TACC2: variants seen among roughly 807,000 people sequenced by gnomAD.
TACC2 encodes the protein transforming acidic coiled-coil-containing protein 2.
In TACC2, 137 loss-of-function variants were observed where a neutral mutation model predicts 227.3. That is an observed-to-expected ratio of 0.60 (90% CI 0.52 to 0.69). The LOEUF (loss-of-function observed/expected upper bound fraction) is 0.69, where lower values mean the gene tolerates loss of function less well. TACC2 is among the 30% of genes least tolerant of loss of function. The pLI, the probability that TACC2 is intolerant of heterozygous loss-of-function variation, is 0.00. For synonymous variants in TACC2, 1,523 were observed against 1,487.5 expected (o/e 1.02, Z -0.55); for missense variants, 3,470 against 3,694.4 (o/e 0.94, Z 1.57).
chr10:122,190,331 C>G (rs117914897), intron 7 of TACC2, among the ~76,000 whole-genome samples: 1 of 152,210 alleles, frequency 6.6e-6, no homozygotes, highest in Admixed American at 6.5e-5. Context: ...TTCTTTCACA[C>G]GGTGTGTCAG....
intron 9 of TACC2, among the ~76,000 whole-genome samples, 159 bp downstream of exon 9, chr10:122,211,867 C>T (rs1028867395): frequency 2.6e-5 from 4 of 152,198 alleles, no homozygotes; most frequent in South Asian, 2.1e-4. Flanking sequence ...AGACAATGTA[C>T]GTGTTTTCCT....
intron 7 of TACC2, among the ~76,000 whole-genome samples, chr10:122,193,588 C>T (rs1342505218): frequency 6.6e-6 from 1 of 152,232 alleles, no homozygotes; most frequent in Non-Finnish European, 1.5e-5. Flanking sequence ...TTCATGTCTT[C>T]ACCAGATTTG....
intron 5 of TACC2, among the ~76,000 whole-genome samples, chr10:122,089,296 C>T (rs1591860992): frequency 6.6e-6 from 1 of 152,140 alleles, no homozygotes; most frequent in Non-Finnish European, 1.5e-5. Flanking sequence ...CCCCCACACC[C>T]GCCGCATCAT....
chr10:122,140,398 A>C (rs1284803022), intron 6 of TACC2, among the ~76,000 whole-genome samples: 1 of 152,238 alleles, frequency 6.6e-6, no homozygotes, highest in Non-Finnish European at 1.5e-5. Flanking sequence ...TCTTCCAAAA[A>C]TATAAACACT....
chr10:122,062,315 G>A (rs1374624425), intron 3 of TACC2, among the ~76,000 whole-genome samples: 1 of 151,538 alleles, frequency 6.6e-6, no homozygotes, highest in Non-Finnish European at 1.5e-5. Flanking sequence ...TTACAGGCGT[G>A]AGCCACCACG....
At chr10:122,201,585 C>T (rs1215264531) in intron 8 of TACC2, among the ~76,000 whole-genome samples, 6 of 152,240 alleles carry the variant, frequency 3.9e-5, no homozygotes, top group Admixed American at 2.0e-4. Context: ...AGGGCCCCAA[C>T]CCTCTGGACG....
intron 3 of TACC2, among the ~76,000 whole-genome samples, chr10:122,073,126 A>AATATATATATATATATAT (rs1167084872): frequency 2.8e-5 from 2 of 71,020 alleles, no homozygotes; most frequent in Middle Eastern, 9.6e-3. Context: ...AAAAAAAAAA[A>AATATATATATATATATAT]ATATATATAT....
chr10:122,129,661 G>A (rs1402719010), intron 5 of TACC2, among the ~76,000 whole-genome samples: 1 of 152,202 alleles, frequency 6.6e-6, no homozygotes, highest in Non-Finnish European at 1.5e-5. Flanking sequence ...TAGTTTGCCT[G>A]TAGTTTAGGA....
chr10:122,108,442 CTTTTTTTTT>C (rs34097153), intron 5 of TACC2, among the ~76,000 whole-genome samples: 2 of 90,022 alleles, frequency 2.2e-5, no homozygotes, highest in African/African-American at 4.3e-5. Context: ...GTCATATTTT[CTTTTTTTTT>C]TTTTTTTTTT....
chr10:122,166,771 TG>T (rs1423872694), intron 7 of TACC2, among the ~76,000 whole-genome samples: 1 of 152,250 alleles, frequency 6.6e-6, no homozygotes, highest in Non-Finnish European at 1.5e-5. Flanking sequence ...CTTCTCTGAC[TG>T]CTCCTTTCCT....
chr10:121,996,255 T>C (rs1953477504), intron 1 of TACC2, among the ~76,000 whole-genome samples: 1 of 152,068 alleles, frequency 6.6e-6, no homozygotes, highest in East Asian at 1.9e-4. Flanking sequence ...CGGGTCTTGC[T>C]GTGTTGCTCA....
chr10:122,241,611 A>C, intron 18 of TACC2: 1 of 326,034 alleles, frequency 3.1e-6, no homozygotes, highest in Non-Finnish European at 5.7e-6. Flanking sequence ...TCATTTTTGT[A>C]TAGGCAGGAT....
chr10:122,059,007 CT>C (rs1412356380), intron 3 of TACC2, among the ~76,000 whole-genome samples: 2 of 151,456 alleles, frequency 1.3e-5, no homozygotes, highest in Non-Finnish European at 2.9e-5. Flanking sequence ...ATTCTCCTGC[CT>C]CAGCCTCCTG....
intron 2 of TACC2, among the ~76,000 whole-genome samples, chr10:122,032,350 C>T (rs926395926): frequency 7.9e-5 from 12 of 152,160 alleles, no homozygotes; most frequent in African/African-American, 2.4e-4. Context: ...GCACACTCCC[C>T]GTCGCACCCA....
chr10:121,993,510 A>G (rs931694770), intron 1 of TACC2, among the ~76,000 whole-genome samples: 2 of 152,192 alleles, frequency 1.3e-5, no homozygotes, highest in African/African-American at 4.8e-5. Flanking sequence ...AGAATTATTT[A>G]TATATTATAA....
chr10:122,224,857 A>G (rs1425722418), intron 12 of TACC2, 70 bp downstream of exon 12: 16 of 1,310,656 alleles, frequency 1.2e-5, no homozygotes, highest in Non-Finnish European at 1.6e-5. Flanking sequence ...TCCCCTGTGC[A>G]GAGTGTCTCT....
At chr10:122,232,225 G>A (rs1280092677) in intron 16 of TACC2, among the ~76,000 whole-genome samples, 1 of 152,228 alleles carries the variant, frequency 6.6e-6, no homozygotes, top group Admixed American at 6.5e-5. Context: ...TTTATTTCTA[G>A]ACATCCTTGG....
At chr10:122,168,403 G>A (rs982236735) in intron 7 of TACC2, among the ~76,000 whole-genome samples, 2 of 152,164 alleles carry the variant, frequency 1.3e-5, no homozygotes, top group Non-Finnish European at 2.9e-5. Context: ...TGTAGAGTGG[G>A]AGGGGGAGAT....
chr10:121,991,496 T>C (rs1433065985), intron 1 of TACC2, among the ~76,000 whole-genome samples: 1 of 152,232 alleles, frequency 6.6e-6, no homozygotes, highest in Non-Finnish European at 1.5e-5. Context: ...AGTTTTGAAA[T>C]AGTTCACATC....
Sources: allele counts gnomAD v4.1 joint callset (sites outside exome capture counted in the v4.1 genomes callset), GRCh38; gene constraint gnomAD v4.1.1; transcripts MANE v1.5; gene names NCBI Gene and HGNC (gene_info 2026-07-23, HGNC 2026-07-21).